TSPAN18: variants seen among roughly 807,000 people sequenced by gnomAD.
TSPAN18 encodes the protein tetraspanin 18.
In TSPAN18, 14 loss-of-function variants were observed where a neutral mutation model predicts 27.3. The observed-to-expected ratio is 0.51, with a 90% confidence interval of 0.34 to 0.80. TSPAN18 has a LOEUF of 0.80. TSPAN18 is among the 30% of genes least tolerant of loss of function. The pLI, the probability that TSPAN18 is intolerant of heterozygous loss-of-function variation, is 0.01. For synonymous variants in TSPAN18, 143 were observed against 136.5 expected, an observed-to-expected ratio of 1.05 and a Z score of -0.33; for missense variants, 268 against 323.9, an observed-to-expected ratio of 0.83 and a Z score of 1.32.
At chr11:44,806,092 T>C (rs1856588046) in intron 2 of TSPAN18, among the ~76,000 whole-genome samples, 1 of 149,028 alleles carries the variant, frequency 6.7e-6, no homozygotes, top group South Asian at 2.1e-4. Flanking sequence ...TGGAGTGTAG[T>C]GGTGCAATCT....
At chr11:44,757,668 G>A (rs1299902174) in intron 1 of TSPAN18, among the ~76,000 whole-genome samples, 2 of 152,156 alleles carry the variant, frequency 1.3e-5, no homozygotes, top group African/African-American at 2.4e-5. Flanking sequence ...TACAGGCAGT[G>A]TGAGCCACTG....
intron 2 of TSPAN18, among the ~76,000 whole-genome samples, chr11:44,826,900 C>T (rs987582594): frequency 2.6e-5 from 4 of 152,130 alleles, no homozygotes; most frequent in African/African-American, 9.7e-5. Context: ...ACTTTTTGCC[C>T]TCCCTGACCT....
intron 8 of TSPAN18, 146 bp from the exon 9 acceptor site, chr11:44,926,528 C>A: frequency 1.4e-6 from 1 of 733,026 alleles, no homozygotes; most frequent in Non-Finnish European, 2.4e-6. Flanking sequence ...TGCCCTGCAC[C>A]CCCTCCCCAC....
chr11:44,868,610 G>A (rs1489811288), intron 3 of TSPAN18, among the ~76,000 whole-genome samples: 1 of 152,240 alleles, frequency 6.6e-6, no homozygotes, highest in African/African-American at 2.4e-5. Context: ...AGGGAATGGG[G>A]ACTCGCCTCT....
At chr11:44,797,578 G>A (rs1008347592) in intron 2 of TSPAN18, among the ~76,000 whole-genome samples, 10 of 152,136 alleles carry the variant, frequency 6.6e-5, no homozygotes, top group Non-Finnish European at 8.8e-5. Context: ...AAATGGGGAC[G>A]GGAGCAAACA....
intron 3 of TSPAN18, 148 bp from the exon 4 acceptor site, chr11:44,906,259 C>G (rs1859447309): frequency 1.3e-6 from 1 of 757,374 alleles, no homozygotes; most frequent in Non-Finnish European, 2.3e-6. Context: ...CAGGCTGGCT[C>G]CAGCATGCTC....
chr11:44,931,398 A>C lies in TSPAN18; in HGVS notation c.*2220A>C. ...CAAATTGCACAGCTTTATGGCTCTA[A>C]TCCAGGGGCATCCCAGGCTTCTGGG... is the stretch of plus-strand genomic sequence containing the variant. On this transcript the variant is annotated 3_prime_UTR_variant, in exon 10 of 10. Coordinates refer to ENST00000520358, the MANE Select transcript of TSPAN18 (RefSeq NM_130783.5). 6.3e-6 allele frequency: 1 copy of C among 158,464 alleles called. No individual in the cohort carries two copies. The highest frequency in any genetic ancestry group is 6.2e-5 in the Admixed American group (1 of 16,160). The allele number at this position is 158,464 out of a possible 1,614,324, so 9.8% of individuals were successfully genotyped here.
chr11:44,783,560 G>A (rs1284185549), intron 2 of TSPAN18, among the ~76,000 whole-genome samples: 3 of 151,878 alleles, frequency 2.0e-5, no homozygotes, highest in African/African-American at 4.8e-5. Flanking sequence ...CACCACGCCC[G>A]GCTAATTTTT....
At chr11:44,769,783 T>C (rs1277514344) in intron 2 of TSPAN18, among the ~76,000 whole-genome samples, 3 of 152,222 alleles carry the variant, frequency 2.0e-5, no homozygotes, top group African/African-American at 7.2e-5. Context: ...ATTTCTGATA[T>C]TAGTAATTGG....
intron 1 of TSPAN18, among the ~76,000 whole-genome samples, chr11:44,737,278 C>T (rs566661684): frequency 5.9e-5 from 9 of 152,304 alleles, no homozygotes; most frequent in African/African-American, 2.2e-4. Flanking sequence ...AAAGGACAAG[C>T]TGGGTTGGAG....
intron 2 of TSPAN18, among the ~76,000 whole-genome samples, chr11:44,773,437 A>T (rs1314971913): frequency 6.6e-6 from 1 of 152,124 alleles, no homozygotes; most frequent in Non-Finnish European, 1.5e-5. Flanking sequence ...CCAAAAAACA[A>T]AAAACAAACC....
intron 8 of TSPAN18, among the ~76,000 whole-genome samples, chr11:44,925,276 G>T (rs1219951386): frequency 6.6e-6 from 1 of 152,250 alleles, no homozygotes; most frequent in East Asian, 1.9e-4. Flanking sequence ...ATCCAGTGTT[G>T]TGGGGCGAGG....
At chr11:44,888,276 C>T (rs1017571283) in intron 3 of TSPAN18, among the ~76,000 whole-genome samples, 6 of 152,170 alleles carry the variant, frequency 3.9e-5, no homozygotes, top group Non-Finnish European at 8.8e-5. Flanking sequence ...GACTGGGCCA[C>T]GTGGGAAGCT....
At chr11:44,793,107 C>T (rs888756915) in intron 2 of TSPAN18, among the ~76,000 whole-genome samples, 5 of 152,142 alleles carry the variant, frequency 3.3e-5, no homozygotes, top group African/African-American at 1.2e-4. Context: ...GTCTGTTGTG[C>T]CTCAGAGTTT....
At chr11:44,795,326 G>T (rs1162130279) in intron 2 of TSPAN18, among the ~76,000 whole-genome samples, 1 of 146,450 alleles carries the variant, frequency 6.8e-6, no homozygotes, top group Non-Finnish European at 1.5e-5. Context: ...GTTGGCATGA[G>T]GCGATGTTTA....
At chr11:44,766,787 C>A (rs1224352092) in intron 2 of TSPAN18, among the ~76,000 whole-genome samples, 1 of 152,160 alleles carries the variant, frequency 6.6e-6, no homozygotes, top group East Asian at 1.9e-4. Flanking sequence ...CATGGAAAAG[C>A]TTTGCTGGGG....
chr11:44,904,723 G>C (rs532239967), intron 3 of TSPAN18, among the ~76,000 whole-genome samples: 10 of 152,248 alleles, frequency 6.6e-5, no homozygotes, highest in Non-Finnish European at 1.5e-4. Context: ...CAGCAGGTGA[G>C]AGGCAGGCAC....
At chr11:44,835,755 C>T (rs1405211893) in intron 2 of TSPAN18, among the ~76,000 whole-genome samples, 1 of 152,178 alleles carries the variant, frequency 6.6e-6, no homozygotes, top group Non-Finnish European at 1.5e-5. Context: ...GTGCATAGAG[C>T]AAATCTATCA....
chr11:44,802,758 C>T (rs1856511298), intron 2 of TSPAN18, among the ~76,000 whole-genome samples: 1 of 151,994 alleles, frequency 6.6e-6, no homozygotes. Flanking sequence ...AAACTGGTTC[C>T]CAAAATGCTG....
Sources: allele counts gnomAD v4.1 joint callset (sites outside exome capture counted in the v4.1 genomes callset), GRCh38; gene constraint gnomAD v4.1.1; transcripts MANE v1.5; gene names NCBI Gene and HGNC (gene_info 2026-07-23, HGNC 2026-07-21).